Variants in PMP22 observed in about 807,000 individuals in gnomAD.
The protein encoded by PMP22 is Charcot-Marie-Tooth neuropathy 1A (greatly reduced nerve conduction velocity, hereditary motor sensory neuropathy Ia).
A neutral mutation model predicts 18.9 loss-of-function variants in PMP22; 2 were observed. That is an observed-to-expected ratio of 0.11 (90% CI 0.04 to 0.33). PMP22 has a LOEUF of 0.33. PMP22 is among the 10% of genes least tolerant of loss of function. PMP22 has a pLI of 1.00. For synonymous variants in PMP22, 95 were observed against 89.2 expected, an observed-to-expected ratio of 1.07 and a Z score of -0.37; for missense variants, 169 against 202.2, an observed-to-expected ratio of 0.84 and a Z score of 1.00.
rs2150676144 is a variant in PMP22, at chr17:15,239,265, A to C, written c.319+206T>G. ...TCATATGCATCTCATTCCAGGGAGA[A>C]GGGGAGAGTTCTAAGTCCCAAGTTC... On this transcript the variant is annotated intron_variant, in intron 4 of 4. Coordinates refer to ENST00000312280, the MANE Select transcript of PMP22 (RefSeq NM_000304.4). 3 of 641,574 alleles carry C rather than the reference A, an allele frequency of 4.7e-6. No individual in the cohort carries two copies. The East Asian group carries it at 8.2e-5, about 17-fold the overall frequency. 39.7% of individuals were successfully genotyped at this position (641,574 alleles called of 1,614,324 possible). A position where few individuals can be genotyped will look rare whatever the true frequency, so the allele number is the denominator to read the frequency against.
chr17:15,231,516 C>T (rs1375607300), intron 4 of PMP22, among the ~76,000 whole-genome samples: 1 of 152,182 alleles, frequency 6.6e-6, no homozygotes, highest in East Asian at 1.9e-4. Flanking sequence ...AGTGAAGTGA[C>T]ATTTTACCAT....
intron 4 of PMP22, among the ~76,000 whole-genome samples, chr17:15,238,789 G>A (rs972121135): frequency 3.3e-5 from 5 of 152,210 alleles, no homozygotes; most frequent in African/African-American, 9.6e-5. Flanking sequence ...TATTAATAAC[G>A]TATTTAAAGA....
At position 15,239,614 on chromosome 17, in the gene PMP22, G is replaced by A. The variant is rs1284105482; in HGVS notation, c.179-3C>T. On this transcript the variant is annotated splice_region_variant and splice_polypyrimidine_tract_variant and intron_variant, in intron 3 of 4. Transcript: ENST00000312280. ...GGCCTGGACAGACTGCAGCCATTCTGGGGGAAAGAGACACTTGGTTAGGAG... is the reference window on the plus strand; with the variant it reads ...GGCCTGGACAGACTGCAGCCATTCTAGGGGAAAGAGACACTTGGTTAGGAG... 2 of 1,613,760 alleles carry A rather than the reference G, an allele frequency of 1.2e-6. No individual in the cohort carries two copies. The highest frequency in any genetic ancestry group is 1.3e-5 in the African/African-American group (1 of 75,046).
At chr17:15,239,418 C>A in intron 4 of PMP22, 53 bp downstream of exon 4, 1 of 1,598,266 alleles carries the variant, frequency 6.3e-7, no homozygotes, top group Non-Finnish European at 8.6e-7. Context: ...CTAATCATTC[C>A]GCAGACTTGG....
At chr17:15,262,936 C>T (rs1268085720) in intron 1 of PMP22, among the ~76,000 whole-genome samples, 3 of 152,198 alleles carry the variant, frequency 2.0e-5, no homozygotes, top group African/African-American at 7.2e-5. Flanking sequence ...CCGACCGCGC[C>T]CGCGCGGGGC....
intron 3 of PMP22, among the ~76,000 whole-genome samples, chr17:15,245,510 G>T (rs963712017): frequency 6.6e-6 from 1 of 152,096 alleles, no homozygotes; most frequent in South Asian, 2.1e-4. Flanking sequence ...TCTGCTTTAC[G>T]TACTTGAGGC....
chr17:15,259,019 C>CTT, intron 3 of PMP22, 75 bp downstream of exon 3: 1 of 1,087,010 alleles, frequency 9.2e-7, no homozygotes. Context: ...TTCCAATAAG[C>CTT]GTTTCCAGCT....
chr17:15,256,692 A>T (rs535789040), intron 3 of PMP22, among the ~76,000 whole-genome samples: 3 of 152,310 alleles, frequency 2.0e-5, no homozygotes, highest in African/African-American at 7.2e-5. Context: ...TTTTTTTTCA[A>T]ATATACTTTC....
At chr17:15,251,545 G>T (rs556707702) in intron 3 of PMP22, 73 of 154,274 alleles carry the variant, frequency 4.7e-4, no homozygotes, top group Admixed American at 9.2e-4. Flanking sequence ...TCAGTGGTAG[G>T]ATGAACATGT....
At chr17:15,260,394 C>G (rs1300276080) in intron 2 of PMP22, 2 of 556,220 alleles carry the variant, frequency 3.6e-6, no homozygotes, top group Non-Finnish European at 3.2e-6. Context: ...GACCCTAGAT[C>G]GGCTCTGAAG....
intron 3 of PMP22, among the ~76,000 whole-genome samples, chr17:15,256,460 GATGA>G (rs2150703579): frequency 6.6e-6 from 1 of 152,266 alleles, no homozygotes; most frequent in South Asian, 2.1e-4. Context: ...TGCCCAACAT[GATGA>G]AACCCCTCTC....
At chr17:15,263,362 T>G (rs1347296453) in intron 1 of PMP22, among the ~76,000 whole-genome samples, 1 of 151,684 alleles carries the variant, frequency 6.6e-6, no homozygotes, top group Non-Finnish European at 1.5e-5. Flanking sequence ...CCATTTGAGG[T>G]GGGGTTGGAG....
rs1283802872 is a variant in PMP22, at chr17:15,229,841, A to G, written c.*1076T>C. On this transcript the variant is annotated 3_prime_UTR_variant, in exon 5 of 5. Coordinates refer to ENST00000312280, the MANE Select transcript of PMP22 (RefSeq NM_000304.4). Reference sequence around the variant, plus strand: ...CACACAGTTGGTATAAAATCAGAAAATGCAAAGCAAAAACAAAAGGTCTGG... The same window carrying G: ...CACACAGTTGGTATAAAATCAGAAAGTGCAAAGCAAAAACAAAAGGTCTGG... 6.6e-6 allele frequency: 1 copy of G among 152,660 alleles called. No individual in the cohort carries two copies. Among genetic ancestry groups the G allele is most frequent in the Non-Finnish European group, 1.5e-5 (1 of 68,054 alleles). The allele number at this position is 152,660 out of a possible 1,614,324, so 9.5% of individuals were successfully genotyped here.
rs1179610358 is a variant in PMP22 at position 15,247,098 on chromosome 17, C to G, written c.179-7487G>C. Among the ~76,000 whole-genome samples, 37 of 125,230 alleles carry G rather than the reference C, an allele frequency of 3.0e-4. No individual in the cohort carries two copies. The South Asian group carries it at 5.4e-3, about 18-fold the overall frequency. 82.2% of individuals were successfully genotyped at this position (125,230 alleles called of 152,430 possible). A position where few individuals can be genotyped will look rare whatever the true frequency, so the allele number is the denominator to read the frequency against. ...AAAAAAAAAAAAAAAGGCCGGGCGC[C>G]GTGGCTCACACCTGTAATCCCAGCA... is the stretch of plus-strand genomic sequence containing the variant. On this transcript the variant is annotated intron_variant, in intron 3 of 4. Coordinates refer to ENST00000312280, the MANE Select transcript of PMP22 (RefSeq NM_000304.4).
intron 3 of PMP22, among the ~76,000 whole-genome samples, chr17:15,240,445 C>T (rs1459722900): frequency 2.8e-5 from 4 of 142,494 alleles, no homozygotes; most frequent in African/African-American, 1.1e-4. Context: ...CTGATCATGG[C>T]CATTAGCCTC....
chr17:15,254,035 G>A (rs1908594811), intron 3 of PMP22, among the ~76,000 whole-genome samples: 2 of 152,190 alleles, frequency 1.3e-5, no homozygotes, highest in Admixed American at 1.3e-4. Flanking sequence ...CTCCCGAAGT[G>A]GGAAGTTCAC....
chr17:15,240,944 T>G (rs746970415), intron 3 of PMP22, among the ~76,000 whole-genome samples: 13 of 152,124 alleles, frequency 8.5e-5, no homozygotes, highest in Middle Eastern at 3.2e-3. Flanking sequence ...ATTTTAAGGG[T>G]GCAAATTAGG....
intron 1 of PMP22, 89 bp downstream of exon 1, chr17:15,265,065 T>G (rs1909618237): frequency 6.6e-6 from 1 of 152,148 alleles, no homozygotes. Flanking sequence ...TCCTTTTCAT[T>G]TGCGGCTTGC....
At position 15,239,248 on chromosome 17, in the gene PMP22, A is replaced by G. The variant is rs1907075475; in HGVS notation, c.319+223T>C. 6.4e-6 allele frequency: 4 copies of G among 625,700 alleles called. No individual in the cohort carries two copies. In the Admixed American group the frequency reaches 7.8e-5, roughly 12 times the overall value. 38.8% of individuals were successfully genotyped at this position (625,700 alleles called of 1,614,324 possible). On this transcript the variant is annotated intron_variant, in intron 4 of 4. Transcript: ENST00000312280. ...ATCCTCTAAGTTCTCTTTCATATGC[A>G]TCTCATTCCAGGGAGAAGGGGAGAG...
Sources: allele counts gnomAD v4.1 joint callset (sites outside exome capture counted in the v4.1 genomes callset), GRCh38; gene constraint gnomAD v4.1.1; transcripts MANE v1.5; gene names NCBI Gene and HGNC (gene_info 2026-07-23, HGNC 2026-07-21).